The following VSTM4 variants were observed in gnomAD, a reference collection of about 807,000 sequenced individuals.
The protein encoded by VSTM4 is V-set and transmembrane domain-containing protein 4.
In VSTM4, 20 loss-of-function variants were observed where a neutral mutation model predicts 36.4. The ratio of observed to expected loss-of-function variants is 0.55; its 90% confidence interval spans 0.39 to 0.80. VSTM4 has a LOEUF of 0.80. Among genes scored for constraint, VSTM4 ranks in the 30% least tolerant of loss-of-function variants. The pLI, the probability that VSTM4 is intolerant of heterozygous loss-of-function variation, is 0.00. For synonymous variants in VSTM4, 182 were observed against 173.9 expected (o/e 1.05, Z -0.37); for missense variants, 392 against 404.5 (o/e 0.97, Z 0.26).
At chr10:49,111,356 G>A (rs1247655169) in intron 1 of VSTM4, among the ~76,000 whole-genome samples, 1 of 152,188 alleles carries the variant, frequency 6.6e-6, no homozygotes, top group Non-Finnish European at 1.5e-5. Flanking sequence ...GGAAGCAGGT[G>A]CAGCAGTGTC....
chr10:49,055,748 C>T (rs1590091258), intron 5 of VSTM4, among the ~76,000 whole-genome samples: 1 of 152,184 alleles, frequency 6.6e-6, no homozygotes, highest in African/African-American at 2.4e-5. Flanking sequence ...ATGAATGGTG[C>T]CACCCACTCA....
intron 5 of VSTM4, among the ~76,000 whole-genome samples, chr10:49,057,237 G>T (rs970843047): frequency 1.3e-5 from 2 of 152,128 alleles, no homozygotes; most frequent in Non-Finnish European, 2.9e-5. Context: ...GATTCAGAAG[G>T]TTTGTAAATG....
intron 2 of VSTM4, among the ~76,000 whole-genome samples, chr10:49,104,105 C>T (rs1844720695): frequency 1.3e-5 from 2 of 152,180 alleles, no homozygotes; most frequent in Admixed American, 1.3e-4. Context: ...TCAAGACCAG[C>T]CTGGCCAACA....
At chr10:49,054,356 C>T (rs1328405563) in intron 5 of VSTM4, among the ~76,000 whole-genome samples, 1 of 152,240 alleles carries the variant, frequency 6.6e-6, no homozygotes, top group Non-Finnish European at 1.5e-5. Context: ...GCGTGGGGAA[C>T]CCACAGCACT....
At chr10:49,070,623 A>C (rs894042120) in intron 4 of VSTM4, among the ~76,000 whole-genome samples, 4 of 152,248 alleles carry the variant, frequency 2.6e-5, no homozygotes, top group Admixed American at 1.3e-4. Flanking sequence ...CACAGCCCCA[A>C]GAGGTAAGAG....
At chr10:49,082,963 C>G (rs1393229206) in intron 3 of VSTM4, among the ~76,000 whole-genome samples, 1 of 152,204 alleles carries the variant, frequency 6.6e-6, no homozygotes, top group Non-Finnish European at 1.5e-5. Context: ...CCCTCCCAAA[C>G]AGCCCCACCA....
chr10:49,072,668 T>A (rs1378661309), intron 4 of VSTM4, among the ~76,000 whole-genome samples: 1 of 152,196 alleles, frequency 6.6e-6, no homozygotes, highest in Non-Finnish European at 1.5e-5. Context: ...TCTAGGCATG[T>A]CCTTGGAGCC....
intron 4 of VSTM4, among the ~76,000 whole-genome samples, chr10:49,076,005 A>G (rs539672128): frequency 2.0e-5 from 3 of 152,266 alleles, no homozygotes; most frequent in Admixed American, 2.0e-4. Context: ...CAGCTAACGC[A>G]TGGTGCATTC....
chr10:49,089,517 A>G (rs1273370609), intron 2 of VSTM4, among the ~76,000 whole-genome samples: 1 of 152,188 alleles, frequency 6.6e-6, no homozygotes, highest in African/African-American at 2.4e-5. Context: ...TTAGGATAGA[A>G]AGCAACAAGC....
At chr10:49,027,284 C>T (rs144097328) in intron 7 of VSTM4, among the ~76,000 whole-genome samples, 1 of 152,252 alleles carries the variant, frequency 6.6e-6, no homozygotes, top group African/African-American at 2.4e-5. Flanking sequence ...TCTAAGAATG[C>T]TCTAAGCATG....
chr10:49,081,076 A>C (rs1480795446), intron 3 of VSTM4, among the ~76,000 whole-genome samples: 4 of 152,208 alleles, frequency 2.6e-5, no homozygotes, highest in Non-Finnish European at 5.9e-5. Context: ...GAACTCAGGG[A>C]CAGAGCAAAG....
intron 2 of VSTM4, chr10:49,103,833 C>A: frequency 1.2e-6 from 2 of 1,614,066 alleles, no homozygotes; most frequent in Non-Finnish European, 1.7e-6. Context: ...AAGAAAAGCT[C>A]CCCTCTCCAC....
intron 2 of VSTM4, among the ~76,000 whole-genome samples, chr10:49,099,333 T>C (rs185775140): frequency 2.6e-5 from 4 of 152,340 alleles, no homozygotes; most frequent in African/African-American, 9.6e-5. Flanking sequence ...TTTCCCCACA[T>C]GTATTGCTGT....
intron 7 of VSTM4, among the ~76,000 whole-genome samples, chr10:49,031,496 A>G (rs768665609): frequency 3.9e-5 from 6 of 152,258 alleles, no homozygotes; most frequent in Non-Finnish European, 7.3e-5. Flanking sequence ...TATTGTTTAA[A>G]CAGTCCGTTG....
intron 2 of VSTM4, among the ~76,000 whole-genome samples, chr10:49,087,362 C>A (rs1455789929): frequency 5.3e-5 from 8 of 152,096 alleles, no homozygotes; most frequent in Non-Finnish European, 1.2e-4. Flanking sequence ...CCCATAGACT[C>A]CTTTCTGTTA....
chr10:49,105,311 C>G (rs1254164113), intron 2 of VSTM4, among the ~76,000 whole-genome samples: 1 of 78,318 alleles, frequency 1.3e-5, no homozygotes, highest in South Asian at 5.5e-4. Flanking sequence ...GAGGAAGAGA[C>G]AGAGAAAGAG....
chr10:49,023,843 C>T (rs1843216959), intron 7 of VSTM4, among the ~76,000 whole-genome samples: 1 of 152,186 alleles, frequency 6.6e-6, no homozygotes, highest in South Asian at 2.1e-4. Context: ...AGGATAGAAG[C>T]TTCAACAGTG....
rs780002958 is a variant in VSTM4, at chr10:49,107,612, A to G, written c.439T>C (p.Ser147Pro). 6.2e-7 allele frequency: 1 copy of G among 1,607,602 alleles called. No individual in the cohort carries two copies. The highest frequency in any genetic ancestry group is 8.5e-7 in the Non-Finnish European group (1 of 1,174,856). Reference sequence around the variant, plus strand: ...CCCTCACCTCTCATTTCCGTGGCTGAGGAGCCATTGGACCAGGCCGTCCAC... The same window carrying G: ...CCCTCACCTCTCATTTCCGTGGCTGGGGAGCCATTGGACCAGGCCGTCCAC... ...NKWTAWSNGS[S>P]ATEMRVISLK... is the part of the protein sequence containing the mutation. Residue 147 changes from serine to proline, a missense_variant, in exon 2 of 8, where the codon TCA (serine) becomes CCA (proline). Ser to Pro is a moderately conservative substitution (Grantham distance 74, BLOSUM62 -1). Coordinates refer to ENST00000332853, the MANE Select transcript of VSTM4 (RefSeq NM_001031746.5).
intron 3 of VSTM4, 54 bp from the exon 4 acceptor site, chr10:49,077,380 T>C (rs1844199196): frequency 1.3e-6 from 2 of 1,509,872 alleles, no homozygotes; most frequent in African/African-American, 1.4e-5. Context: ...GCAGCAGAAG[T>C]GCGCTGGCAA....
Sources: allele counts gnomAD v4.1 joint callset (sites outside exome capture counted in the v4.1 genomes callset), GRCh38; gene constraint gnomAD v4.1.1; transcripts MANE v1.5; gene names NCBI Gene and HGNC (gene_info 2026-07-23, HGNC 2026-07-21).